The following SAMD12 variants were observed in gnomAD, a reference collection of about 807,000 sequenced individuals.
SAMD12 encodes sterile alpha motif domain-containing protein 12.
A neutral mutation model predicts 15.0 loss-of-function variants in SAMD12; 9 were observed. That is an observed-to-expected ratio of 0.60 (90% CI 0.36 to 1.05). The LOEUF (loss-of-function observed/expected upper bound fraction) is 1.05. Ranked by LOEUF, SAMD12 falls within the 50% of genes least tolerant of loss-of-function variation. The pLI is 0.01. For missense variants in SAMD12, 230 were observed against 234.2 expected (o/e 0.98, Z 0.12); for synonymous variants, 86 against 90.1 (o/e 0.96, Z 0.25).
chr8:118,316,230 G>A (rs1815892394), intron 4 of SAMD12, among the ~76,000 whole-genome samples: 1 of 151,974 alleles, frequency 6.6e-6, no homozygotes, highest in Admixed American at 6.6e-5. Context: ...GCCATATCAA[G>A]AGCATATAAA....
chr8:118,598,036 G>C (rs1163374221), intron 1 of SAMD12, among the ~76,000 whole-genome samples: 5 of 152,094 alleles, frequency 3.3e-5, no homozygotes, highest in African/African-American at 1.2e-4. Context: ...CCATCCCTCT[G>C]TCTCTCATAT....
exon 5 of SAMD12, chr8:118,192,036 T>C (rs1819420011): frequency 1.3e-5 from 2 of 151,404 alleles, no homozygotes; most frequent in Non-Finnish European, 2.9e-5. Context: ...GAGAAGACCA[T>C]GATCAGTTTG....
intron 4 of SAMD12, among the ~76,000 whole-genome samples, chr8:118,249,672 C>G (rs534850738): frequency 1.3e-5 from 2 of 152,218 alleles, no homozygotes; most frequent in East Asian, 3.9e-4. Context: ...ATTCTAATGA[C>G]AGGTAGCTTC....
intron 2 of SAMD12, among the ~76,000 whole-genome samples, chr8:118,546,834 T>G (rs1041731121): frequency 6.6e-6 from 1 of 152,128 alleles, no homozygotes. Flanking sequence ...CAGCAAACAC[T>G]TGGTGCCTGG....
At chr8:118,227,131 G>C (rs893759329) in intron 4 of SAMD12, among the ~76,000 whole-genome samples, 3 of 152,076 alleles carry the variant, frequency 2.0e-5, no homozygotes, top group African/African-American at 4.8e-5. Context: ...CCCATCAATG[G>C]TAGGCTGGAT....
the SAMD12 span, among the ~76,000 whole-genome samples, chr8:118,181,394 T>G: frequency 6.6e-6 from 1 of 152,230 alleles, no homozygotes; most frequent in Non-Finnish European, 1.5e-5. Flanking sequence ...TGAACGCTGC[T>G]GCCACCTCAA....
intron 4 of SAMD12, among the ~76,000 whole-genome samples, chr8:118,308,152 A>G: frequency 6.6e-6 from 1 of 152,188 alleles, no homozygotes. Flanking sequence ...TTGTAAACAT[A>G]GTCATTTCTT....
At chr8:118,141,773 G>T in the SAMD12 span, among the ~76,000 whole-genome samples, 1 of 152,186 alleles carries the variant, frequency 6.6e-6, no homozygotes, top group Non-Finnish European at 1.5e-5. Context: ...TGACTCCATG[G>T]CAATTGCCAG....
intron 2 of SAMD12, among the ~76,000 whole-genome samples, chr8:118,541,097 T>C (rs983790749): frequency 5.3e-5 from 8 of 152,186 alleles, no homozygotes; most frequent in African/African-American, 1.9e-4. Context: ...CATGCTGGTA[T>C]GTTTCGGTAC....
chr8:118,235,113 T>C (rs556771735), intron 4 of SAMD12, among the ~76,000 whole-genome samples: 57 of 152,292 alleles, frequency 3.7e-4, no homozygotes, highest in African/African-American at 1.3e-3. Context: ...TTGTTTCAGA[T>C]GTGTAAACCT....
At chr8:118,465,829 G>A (rs577229161) in intron 2 of SAMD12, among the ~76,000 whole-genome samples, 3 of 152,136 alleles carry the variant, frequency 2.0e-5, no homozygotes, top group Non-Finnish European at 2.9e-5. Flanking sequence ...CTAGGACTTC[G>A]AGTTTTAAAA....
At chr8:118,426,180 T>C (rs150934189) in intron 3 of SAMD12, among the ~76,000 whole-genome samples, 203 of 152,360 alleles carry the variant, frequency 1.3e-3, no homozygotes, top group African/African-American at 4.1e-3. Flanking sequence ...GTAATGATAA[T>C]AGGTAATATT....
chr8:118,163,518 G>C, the SAMD12 span, among the ~76,000 whole-genome samples: 1 of 152,188 alleles, frequency 6.6e-6, no homozygotes, highest in East Asian at 1.9e-4. Flanking sequence ...AACCACCTGG[G>C]GGAGCGTTAG....
chr8:118,261,619 C>G (rs1813078622), intron 4 of SAMD12, among the ~76,000 whole-genome samples: 4 of 150,772 alleles, frequency 2.7e-5, no homozygotes, highest in African/African-American at 9.9e-5. Context: ...ATTTGGCAAC[C>G]AAGAAAACAC....
chr8:118,314,809 C>T (rs1815806003), intron 4 of SAMD12, among the ~76,000 whole-genome samples: 1 of 152,154 alleles, frequency 6.6e-6, no homozygotes, highest in Admixed American at 6.5e-5. Context: ...GATAACCTTA[C>T]ACCCACTGAA....
chr8:118,263,314 A>C (rs1322546489), intron 4 of SAMD12, among the ~76,000 whole-genome samples: 3 of 152,162 alleles, frequency 2.0e-5, no homozygotes, highest in Non-Finnish European at 4.4e-5. Context: ...CAATAACAGA[A>C]GGTAGAGAAA....
chr8:118,314,518 T>A (rs6991597), intron 4 of SAMD12, among the ~76,000 whole-genome samples: 5 of 151,982 alleles, frequency 3.3e-5, no homozygotes, highest in African/African-American at 1.2e-4. Context: ...GATTTCCTTG[T>A]GCTATACTTT....
At chr8:118,359,711 A>G (rs1563793315) in intron 4 of SAMD12, among the ~76,000 whole-genome samples, 1 of 152,176 alleles carries the variant, frequency 6.6e-6, no homozygotes, top group Non-Finnish European at 1.5e-5. Context: ...GAAAAGGGAT[A>G]ATAACAACTC....
At chr8:118,300,682 C>T (rs866463207) in intron 4 of SAMD12, among the ~76,000 whole-genome samples, 2 of 152,194 alleles carry the variant, frequency 1.3e-5, no homozygotes, top group African/African-American at 4.8e-5. Context: ...ATCAGTGTTC[C>T]AACAAGCCCT....
Sources: allele counts gnomAD v4.1 joint callset (sites outside exome capture counted in the v4.1 genomes callset), GRCh38; gene constraint gnomAD v4.1.1; transcripts MANE v1.5; gene names NCBI Gene and HGNC (gene_info 2026-07-23, HGNC 2026-07-21).